CADM2: variants seen among roughly 807,000 people sequenced by gnomAD.
CADM2 encodes the protein cell adhesion molecule 2, also known as immunoglobulin superfamily member 4D.
CADM2 carries 12 observed loss-of-function variants against 49.8 expected under a neutral mutation model. That is an observed-to-expected ratio of 0.24 (90% CI 0.15 to 0.39). CADM2 has a LOEUF of 0.39. Among genes scored for constraint, CADM2 ranks in the 10% least tolerant of loss-of-function variants. The pLI is 1.00. For missense variants in CADM2, 378 were observed against 492.3 expected (o/e 0.77, Z 2.20); for synonymous variants, 214 against 175.4 (o/e 1.22, Z -1.74).
intron 1 of CADM2, among the ~76,000 whole-genome samples, chr3:85,621,468 T>A (rs1198833544): frequency 6.6e-6 from 1 of 152,194 alleles, no homozygotes; most frequent in African/African-American, 2.4e-5. Flanking sequence ...CTTTGAAAAT[T>A]TGAATTAAAT....
At chr3:86,056,028 G>A in intron 8 of CADM2, among the ~76,000 whole-genome samples, 1 of 152,136 alleles carries the variant, frequency 6.6e-6, no homozygotes, top group South Asian at 2.1e-4. Context: ...TGGCCCCATG[G>A]TAATCCATGG....
chr3:85,970,682 T>C (rs1384583046), intron 8 of CADM2, among the ~76,000 whole-genome samples: 1 of 151,588 alleles, frequency 6.6e-6, no homozygotes, highest in African/African-American at 2.4e-5. Context: ...CAAACATTTA[T>C]GTCAAAATTA....
chr3:85,384,688 TGTGTGA>T (rs1433577039), intron 1 of CADM2, among the ~76,000 whole-genome samples: 5 of 151,840 alleles, frequency 3.3e-5, no homozygotes, highest in African/African-American at 1.2e-4. Flanking sequence ...TGTGTGTGTG[TGTGTGA>T]GTGTATACTT....
chr3:85,641,331 T>C (rs2064704220), intron 1 of CADM2, among the ~76,000 whole-genome samples: 1 of 152,206 alleles, frequency 6.6e-6, no homozygotes, highest in Non-Finnish European at 1.5e-5. Context: ...CCCTATACTC[T>C]CATCTCTAGC....
At chr3:85,018,974 A>T (rs1418008458) in intron 1 of CADM2, among the ~76,000 whole-genome samples, 1 of 152,128 alleles carries the variant, frequency 6.6e-6, no homozygotes, top group Non-Finnish European at 1.5e-5. Context: ...AAAGGAAATA[A>T]ACATTGGGAA....
intron 1 of CADM2, among the ~76,000 whole-genome samples, chr3:85,132,894 C>T (rs1001505447): frequency 6.6e-6 from 1 of 152,088 alleles, no homozygotes; most frequent in African/African-American, 2.4e-5. Flanking sequence ...AAGCCGCGGA[C>T]CCTGGCGGTG....
chr3:85,507,786 C>G (rs2040424014), intron 1 of CADM2, among the ~76,000 whole-genome samples: 1 of 152,082 alleles, frequency 6.6e-6, no homozygotes, highest in African/African-American at 2.4e-5. Context: ...CAAAATGTAT[C>G]AAAGAAAGTT....
intron 8 of CADM2, chr3:85,994,089 T>G (rs1729086614): frequency 6.6e-6 from 1 of 152,272 alleles, no homozygotes; most frequent in South Asian, 2.1e-4. Flanking sequence ...ATAAATGGCA[T>G]CTTCTTCCAA....
At chr3:85,147,318 A>C (rs1279517404) in intron 1 of CADM2, among the ~76,000 whole-genome samples, 1 of 150,154 alleles carries the variant, frequency 6.7e-6, no homozygotes, top group African/African-American at 2.4e-5. Context: ...CAACATGAGT[A>C]AGAAGTAGGA....
chr3:85,711,170 GAAATATATTATTGTTCA>G (rs1337264565), intron 1 of CADM2, among the ~76,000 whole-genome samples: 1 of 152,084 alleles, frequency 6.6e-6, no homozygotes. Context: ...CTTTGTGAAT[GAAATATATTATTGTTCA>G]ATAGATAATA....
At chr3:85,294,742 G>A (rs919343017) in intron 1 of CADM2, among the ~76,000 whole-genome samples, 2 of 151,858 alleles carry the variant, frequency 1.3e-5, no homozygotes, top group Non-Finnish European at 2.9e-5. Flanking sequence ...GCCATATGTA[G>A]AAAGCTGAAA....
chr3:85,294,589 G>C (rs995001988), intron 1 of CADM2, among the ~76,000 whole-genome samples: 11 of 151,982 alleles, frequency 7.2e-5, no homozygotes, highest in Non-Finnish European at 1.6e-4. Context: ...TACCAAAACA[G>C]AGATATAGAT....
intron 5 of CADM2, among the ~76,000 whole-genome samples, chr3:85,887,022 A>AT (rs529590681): frequency 2.2e-4 from 33 of 152,280 alleles, no homozygotes; most frequent in Non-Finnish European, 4.0e-4. Flanking sequence ...TATTTTCAAC[A>AT]TTATCTTCTA....
chr3:85,190,594 A>G (rs910400924), intron 1 of CADM2, among the ~76,000 whole-genome samples: 16 of 152,258 alleles, frequency 1.1e-4, no homozygotes, highest in African/African-American at 3.8e-4. Flanking sequence ...CACAAAATCA[A>G]TATTTGCTGA....
intron 8 of CADM2, among the ~76,000 whole-genome samples, chr3:85,991,375 G>A (rs1444244068): frequency 1.3e-5 from 2 of 152,166 alleles, no homozygotes; most frequent in South Asian, 2.1e-4. Context: ...TAAGAAGGCA[G>A]AGATAAAGTT....
chr3:85,679,098 A>G (rs1366528995), intron 1 of CADM2, among the ~76,000 whole-genome samples: 1 of 152,186 alleles, frequency 6.6e-6, no homozygotes, highest in Non-Finnish European at 1.5e-5. Context: ...TAAAATCAAT[A>G]ACCACAAAAT....
rs972798970 is a variant in CADM2, at chr3:85,278,480, T to A, written c.61+318812T>A. 4.0e-5 allele frequency among the ~76,000 whole-genome samples: 6 copies of A among 151,512 alleles called. No homozygotes were observed. The East Asian group carries it at 1.2e-3, about 29-fold the overall frequency. On this transcript the variant is annotated intron_variant, in intron 1 of 9. Coordinates refer to ENST00000383699, the MANE Select transcript of CADM2 (RefSeq NM_001167675.2). ...TAGGACTCACTACTCATTTGACACATCATTATTTATCACTTGTGTTGAAAC... is the reference window on the plus strand; with the variant it reads ...TAGGACTCACTACTCATTTGACACAACATTATTTATCACTTGTGTTGAAAC...
intron 1 of CADM2, among the ~76,000 whole-genome samples, chr3:85,374,123 A>G (rs901037207): frequency 3.3e-5 from 5 of 151,900 alleles, no homozygotes; most frequent in Admixed American, 6.6e-5. Context: ...CCAAAGTTTT[A>G]TGCTCTGCTT....
chr3:85,326,098 C>T (rs1298805501), intron 1 of CADM2, among the ~76,000 whole-genome samples: 1 of 152,128 alleles, frequency 6.6e-6, no homozygotes. Flanking sequence ...CCTAAATTCC[C>T]TCTTTCTCTT....
Sources: allele counts gnomAD v4.1 joint callset (sites outside exome capture counted in the v4.1 genomes callset), GRCh38; gene constraint gnomAD v4.1.1; transcripts MANE v1.5; gene names NCBI Gene and HGNC (gene_info 2026-07-23, HGNC 2026-07-21).